ASXL2: variants seen among roughly 807,000 people sequenced by gnomAD.
ASXL2 encodes the protein ASXL transcriptional regulator 2.
ASXL2 carries 23 observed loss-of-function variants against 122.0 expected under a neutral mutation model. The ratio of observed to expected loss-of-function variants is 0.19; its 90% confidence interval spans 0.14 to 0.27. The LOEUF (loss-of-function observed/expected upper bound fraction) is 0.27, where lower values mean the gene tolerates loss of function less well. Ranked by LOEUF, ASXL2 falls within the 10% of genes least tolerant of loss-of-function variation. The pLI is 1.00. For missense variants in ASXL2, 1,518 were observed against 1,713.8 expected, an observed-to-expected ratio of 0.89 and a Z score of 2.02; for synonymous variants, 650 against 637.0, an observed-to-expected ratio of 1.02 and a Z score of -0.31.
At chr2:25,758,403 G>A (rs6546452) in intron 9 of ASXL2, among the ~76,000 whole-genome samples, 26,568 of 152,058 alleles carry the variant, frequency 0.17, 2,532 homozygotes, top group Non-Finnish European at 0.22. Context: ...TTAAAAGTTG[G>A]GGGTTGGGGA....
intron 1 of ASXL2, among the ~76,000 whole-genome samples, chr2:25,861,008 T>C (rs1409188647): frequency 2.0e-5 from 3 of 152,166 alleles, no homozygotes; most frequent in African/African-American, 4.8e-5. Flanking sequence ...AGCTAGACCC[T>C]GCCTCCAAAA....
In ASXL2 at chr2:25,740,973, G is replaced by A. The variant is rs1160959317; in HGVS notation, c.*1056C>T. ...ACCTGCAACAGCAGCTGACTATCTA[G>A]CACTAGGTTAACAGGTTGGGAGAGA... On this transcript the variant is annotated 3_prime_UTR_variant, in exon 13 of 13. Coordinates refer to ENST00000435504, the MANE Select transcript of ASXL2 (RefSeq NM_018263.6). 4 of 193,220 alleles carry A rather than the reference G, an allele frequency of 2.1e-5. No individual in the cohort carries two copies. The East Asian group carries it at 3.3e-4, about 16-fold the overall frequency. The allele number at this position is 193,220 out of a possible 1,614,324, so 12.0% of individuals were successfully genotyped here.
At chr2:25,857,338 A>C (rs751294453) in intron 1 of ASXL2, among the ~76,000 whole-genome samples, 1 of 152,198 alleles carries the variant, frequency 6.6e-6, no homozygotes, top group Non-Finnish European at 1.5e-5. Context: ...GACACAAGAG[A>C]GTCTAGGAAA....
intron 3 of ASXL2, chr2:25,810,743 G>C (rs2089155001): frequency 1.7e-6 from 1 of 591,566 alleles, no homozygotes; most frequent in African/African-American, 1.8e-5. Flanking sequence ...ATCAAGTCTT[G>C]CCTTGAGCCA....
chr2:25,797,358 T>A (rs1177214763), intron 5 of ASXL2, among the ~76,000 whole-genome samples: 1 of 152,052 alleles, frequency 6.6e-6, no homozygotes, highest in Non-Finnish European at 1.5e-5. Context: ...GGCAGGAGAA[T>A]CCTTTGAACC....
At chr2:25,769,897 T>G (rs969783380) in intron 6 of ASXL2, among the ~76,000 whole-genome samples, 2 of 152,224 alleles carry the variant, frequency 1.3e-5, no homozygotes, top group African/African-American at 2.4e-5. Flanking sequence ...ATCTCCTCAC[T>G]CTAAGTTGCC....
chr2:25,752,368 C>A (rs1445137507), intron 11 of ASXL2, among the ~76,000 whole-genome samples: 1 of 152,148 alleles, frequency 6.6e-6, no homozygotes. Context: ...TAGGCTACAG[C>A]CTCTTTTAAA....
intron 1 of ASXL2, chr2:25,856,363 CT>C (rs70950127): frequency 0.035 from 8,189 of 232,814 alleles, 1 homozygote; most frequent in East Asian, 0.095. Flanking sequence ...CTGGCCTATA[CT>C]TTTTTTTTTT....
intron 8 of ASXL2, among the ~76,000 whole-genome samples, chr2:25,759,874 T>C (rs1049166330): frequency 6.6e-5 from 10 of 152,164 alleles, no homozygotes; most frequent in South Asian, 2.1e-4. Flanking sequence ...TCTGCATAAA[T>C]AGAATAAAGT....
chr2:25,784,016 T>C (rs2088693352), intron 5 of ASXL2, among the ~76,000 whole-genome samples: 1 of 151,522 alleles, frequency 6.6e-6, no homozygotes, highest in African/African-American at 2.4e-5. Flanking sequence ...ATCACACCAC[T>C]GCACTCCAGC....
intron 8 of ASXL2, among the ~76,000 whole-genome samples, chr2:25,766,562 C>T (rs999666201): frequency 1.3e-5 from 2 of 152,174 alleles, no homozygotes; most frequent in Non-Finnish European, 2.9e-5. Flanking sequence ...CATTTGCCTG[C>T]AGACTTTTTT....
intron 3 of ASXL2, chr2:25,822,742 G>C: frequency 1.5e-6 from 1 of 660,164 alleles, no homozygotes; most frequent in East Asian, 4.3e-5. Flanking sequence ...TTAACAAAAG[G>C]AAGGGCAAAA....
chr2:25,874,461 C>A (rs764245659), intron 1 of ASXL2, among the ~76,000 whole-genome samples: 1 of 152,158 alleles, frequency 6.6e-6, no homozygotes, highest in Non-Finnish European at 1.5e-5. Flanking sequence ...TGCATTCCAG[C>A]CTGGGCAACC....
At chr2:25,786,440 C>T (rs1023667933) in intron 5 of ASXL2, among the ~76,000 whole-genome samples, 1 of 151,836 alleles carries the variant, frequency 6.6e-6, no homozygotes, top group Non-Finnish European at 1.5e-5. Flanking sequence ...GTGGTTTCAC[C>T]GTGTTAGCCA....
chr2:25,758,516 GGAAACAGAAGATCA>G (rs1292875228), intron 9 of ASXL2, among the ~76,000 whole-genome samples: 1 of 152,120 alleles, frequency 6.6e-6, no homozygotes, highest in Admixed American at 6.6e-5. Context: ...TACAGAGGGA[GGAAACAGAAGATCA>G]GAAGGGGGAG....
chr2:25,876,914 A>G (rs565656190), intron 1 of ASXL2, among the ~76,000 whole-genome samples: 2 of 152,386 alleles, frequency 1.3e-5, no homozygotes, highest in East Asian at 3.9e-4. Flanking sequence ...ACAAATGCAC[A>G]AGACTGAATA....
chr2:25,844,840 T>C (rs1032188178), intron 2 of ASXL2, among the ~76,000 whole-genome samples: 28 of 152,086 alleles, frequency 1.8e-4, no homozygotes, highest in African/African-American at 6.8e-4. Context: ...TTTCACTATG[T>C]TGGCCAGGCT....
chr2:25,869,027 T>C (rs1037899502), intron 1 of ASXL2, among the ~76,000 whole-genome samples: 3 of 151,930 alleles, frequency 2.0e-5, no homozygotes, highest in African/African-American at 7.3e-5. Flanking sequence ...TAGCCAGGCA[T>C]GGTGGCAGAC....
At chr2:25,783,924 C>T (rs1392107803) in intron 5 of ASXL2, among the ~76,000 whole-genome samples, 1 of 152,022 alleles carries the variant, frequency 6.6e-6, no homozygotes, top group Non-Finnish European at 1.5e-5. Flanking sequence ...CGTGGTGGCA[C>T]ATGCCTGTAA....
Sources: allele counts gnomAD v4.1 joint callset (sites outside exome capture counted in the v4.1 genomes callset), GRCh38; gene constraint gnomAD v4.1.1; transcripts MANE v1.5; gene names NCBI Gene and HGNC (gene_info 2026-07-23, HGNC 2026-07-21).